The following CMC1 variants were observed in gnomAD, a reference collection of about 807,000 sequenced individuals.
The protein encoded by CMC1 is COX assembly mitochondrial protein homolog.
A neutral mutation model predicts 14.1 loss-of-function variants in CMC1; 14 were observed. The observed-to-expected ratio is 0.99, with a 90% CI of 0.66 to 1.55. The LOEUF is 1.55. CMC1 is among the 40% of genes most tolerant of loss of function. The pLI is 0.00. For synonymous variants in CMC1, 50 were observed against 38.4 expected (o/e 1.30, Z -1.12); for missense variants, 127 against 123.8 (o/e 1.03, Z -0.12).
intron 2 of CMC1, among the ~76,000 whole-genome samples, chr3:28,290,868 G>A (rs1343043177): frequency 6.6e-6 from 1 of 151,836 alleles, no homozygotes; most frequent in Non-Finnish European, 1.5e-5. Context: ...TGTGAGTCAG[G>A]TATCTCGGTA....
chr3:28,271,531 T>TC (rs1700289706), intron 2 of CMC1, among the ~76,000 whole-genome samples: 3 of 152,238 alleles, frequency 2.0e-5, no homozygotes, highest in Non-Finnish European at 2.9e-5. Context: ...GTCTTATTTC[T>TC]GAGTTCTCTA....
At chr3:28,273,799 A>G (rs535408335) in intron 2 of CMC1, among the ~76,000 whole-genome samples, 80 of 152,300 alleles carry the variant, frequency 5.3e-4, no homozygotes, top group South Asian at 4.3e-3. Flanking sequence ...TTAGGTGTAT[A>G]TATATTTAGG....
chr3:28,301,936 T>C (rs559205500), intron 2 of CMC1, among the ~76,000 whole-genome samples: 10 of 151,606 alleles, frequency 6.6e-5, no homozygotes, highest in African/African-American at 2.4e-4. Context: ...ACTATGGAAC[T>C]GGCTACCTTG....
chr3:28,272,490 G>C (rs1022070945), intron 2 of CMC1, among the ~76,000 whole-genome samples: 1 of 151,916 alleles, frequency 6.6e-6, no homozygotes, highest in Non-Finnish European at 1.5e-5. Flanking sequence ...ATGTAGTTTT[G>C]GCCTTTAGTT....
intron 2 of CMC1, among the ~76,000 whole-genome samples, chr3:28,302,650 A>G (rs1702113930): frequency 6.6e-6 from 1 of 152,166 alleles, no homozygotes; most frequent in Admixed American, 6.6e-5. Flanking sequence ...AAATATTTAA[A>G]TATATTTTAT....
intron 2 of CMC1, among the ~76,000 whole-genome samples, chr3:28,276,073 C>T (rs937596213): frequency 1.3e-5 from 2 of 152,168 alleles, no homozygotes; most frequent in African/African-American, 2.4e-5. Flanking sequence ...ATGGCAGCCA[C>T]CCCTCTCCCC....
intron 2 of CMC1, among the ~76,000 whole-genome samples, chr3:28,271,559 A>G (rs1054751549): frequency 2.0e-5 from 3 of 152,126 alleles, no homozygotes; most frequent in Non-Finnish European, 4.4e-5. Flanking sequence ...TCATTGGTCT[A>G]TGTGTCTGTT....
chr3:28,311,840 C>T (rs1034935428), intron 2 of CMC1, among the ~76,000 whole-genome samples: 1 of 152,170 alleles, frequency 6.6e-6, no homozygotes, highest in Non-Finnish European at 1.5e-5. Flanking sequence ...CACTTAGACC[C>T]TCTTTCAAAT....
intron 1 of CMC1, among the ~76,000 whole-genome samples, chr3:28,258,614 A>ATTTTTTT (rs61323375): frequency 1.0e-4 from 10 of 99,134 alleles, no homozygotes; most frequent in East Asian, 2.8e-4. Flanking sequence ...GTATTTCTGG[A>ATTTTTTT]TTTTTTTTTT....
At chr3:28,299,876 A>C (rs536114624) in intron 2 of CMC1, among the ~76,000 whole-genome samples, 10 of 152,256 alleles carry the variant, frequency 6.6e-5, no homozygotes, top group Admixed American at 1.3e-4. Context: ...TGGGCTTTTC[A>C]TTTATTTTAA....
intron 1 of CMC1, among the ~76,000 whole-genome samples, chr3:28,256,165 A>G (rs1699394545): frequency 6.6e-6 from 1 of 151,548 alleles, no homozygotes; most frequent in South Asian, 2.1e-4. Context: ...TAAGATGGGT[A>G]TATATATATA....
chr3:28,258,702 C>T (rs943295027), intron 1 of CMC1, among the ~76,000 whole-genome samples: 1 of 148,252 alleles, frequency 6.7e-6, no homozygotes. Context: ...TCACTGCAAG[C>T]TCTGCCTCCC....
At chr3:28,245,404 T>C (rs1398976734) in intron 1 of CMC1, among the ~76,000 whole-genome samples, 1 of 152,180 alleles carries the variant, frequency 6.6e-6, no homozygotes, top group South Asian at 2.1e-4. Flanking sequence ...CCTGATAAAT[T>C]TGATTTTTCA....
chr3:28,303,675 A>G (rs1702168697), intron 2 of CMC1, among the ~76,000 whole-genome samples: 1 of 152,130 alleles, frequency 6.6e-6, no homozygotes, highest in Non-Finnish European at 1.5e-5. Flanking sequence ...AGTGAGTTAA[A>G]TCAACTAAAA....
chr3:28,306,575 G>A (rs1025514991), intron 2 of CMC1, among the ~76,000 whole-genome samples: 1 of 152,036 alleles, frequency 6.6e-6, no homozygotes, highest in African/African-American at 2.4e-5. Context: ...TAGTCTTTTA[G>A]AGGAATCTTT....
chr3:28,273,818 CTCT>C (rs1700421740), intron 2 of CMC1, among the ~76,000 whole-genome samples: 1 of 152,156 alleles, frequency 6.6e-6, no homozygotes, highest in African/African-American at 2.4e-5. Flanking sequence ...GGATAATTAG[CTCT>C]TCTTGTTGAA....
intron 2 of CMC1, among the ~76,000 whole-genome samples, chr3:28,285,644 C>A (rs1028701805): frequency 6.6e-6 from 1 of 150,810 alleles, no homozygotes; most frequent in African/African-American, 2.4e-5. Context: ...ATCCATTTAA[C>A]AAAGCTGCAC....
At chr3:28,303,151 T>G (rs756446513) in intron 2 of CMC1, among the ~76,000 whole-genome samples, 6 of 152,182 alleles carry the variant, frequency 3.9e-5, no homozygotes, top group Non-Finnish European at 7.3e-5. Flanking sequence ...GTACCTAGTA[T>G]AGTAGTGCCT....
chr3:28,243,273 C>T (rs956129163), intron 1 of CMC1, among the ~76,000 whole-genome samples: 1 of 152,104 alleles, frequency 6.6e-6, no homozygotes, highest in Non-Finnish European at 1.5e-5. Context: ...CCATGCTGGT[C>T]TGGAACTCCT....
Sources: allele counts gnomAD v4.1 joint callset (sites outside exome capture counted in the v4.1 genomes callset), GRCh38; gene constraint gnomAD v4.1.1; transcripts MANE v1.5; gene names NCBI Gene and HGNC (gene_info 2026-07-23, HGNC 2026-07-21).